CHRM2: variants seen among roughly 807,000 people sequenced by gnomAD.
CHRM2 encodes the protein cholinergic receptor muscarinic 2.
In CHRM2, 8 loss-of-function variants were observed where a neutral mutation model predicts 25.0. That is an observed-to-expected ratio of 0.32 (90% CI 0.19 to 0.58). The LOEUF (loss-of-function observed/expected upper bound fraction) is 0.58. Ranked by LOEUF, CHRM2 falls within the 20% of genes least tolerant of loss-of-function variation. The probability of loss-of-function intolerance (pLI) is 0.88; values close to 1 mark genes in which losing one functional copy is unlikely to be tolerated. For synonymous variants in CHRM2, 202 were observed against 205.7 expected, an observed-to-expected ratio of 0.98 and a Z score of 0.15; for missense variants, 440 against 567.1, an observed-to-expected ratio of 0.78 and a Z score of 2.28.
chr7:137,003,943 C>T (rs1804244202), intron 3 of CHRM2, among the ~76,000 whole-genome samples: 1 of 152,108 alleles, frequency 6.6e-6, no homozygotes, highest in Non-Finnish European at 1.5e-5. Context: ...TCCCCTGCCG[C>T]CTTTGCTTCC....
In CHRM2 at chr7:136,950,707, G is replaced by A. The variant is rs945791450; in HGVS notation, c.-124-41480G>A. On this transcript the variant is annotated intron_variant, in intron 2 of 3. Coordinates refer to ENST00000680005, the MANE Select transcript of CHRM2 (RefSeq NM_001006630.2). ...AGATGAAGAAGTTGCAAAAAGTAGC[G>A]TAGCAAATTGGTAGAAGATTCTGAA... Among the ~76,000 whole-genome samples the A allele has an allele frequency of 3.2e-4, 48 of 152,280 alleles. 1 individual carries two copies. Among genetic ancestry groups the A allele is most frequent in the South Asian group, 6.2e-4 (3 of 4,820 alleles).
At chr7:136,889,359 T>C (rs1796604340) in intron 2 of CHRM2, among the ~76,000 whole-genome samples, 1 of 152,186 alleles carries the variant, frequency 6.6e-6, no homozygotes, top group South Asian at 2.1e-4. Flanking sequence ...AATCCCTTTA[T>C]ACTGGTTAAC....
At position 137,017,232 on chromosome 7, in the gene CHRM2, A is replaced by G. The variant is rs891834369; in HGVS notation, c.*966A>G. The G allele has an allele frequency of 6.6e-6, 1 of 151,982 alleles. No homozygotes were observed. The highest frequency in any genetic ancestry group is 1.5e-5 in the Non-Finnish European group (1 of 67,934). The allele number at this position is 151,982 out of a possible 1,614,324, so 9.4% of individuals were successfully genotyped here. ...GTTTCATCAAATTAAATAATGGACT[A>G]TCTAGTTGGACCAAGTTTATTAAAG... On this transcript the variant is annotated 3_prime_UTR_variant, in exon 4 of 4. Coordinates refer to ENST00000680005, the MANE Select transcript of CHRM2 (RefSeq NM_001006630.2).
At chr7:136,881,718 C>G (rs905841105) in intron 2 of CHRM2, among the ~76,000 whole-genome samples, 1 of 151,840 alleles carries the variant, frequency 6.6e-6, no homozygotes, top group East Asian at 1.9e-4. Flanking sequence ...TTTTTAAATT[C>G]AGACAACAAA....
chr7:136,995,746 A>C (rs992384485), intron 3 of CHRM2, among the ~76,000 whole-genome samples: 1 of 152,140 alleles, frequency 6.6e-6, no homozygotes, highest in Non-Finnish European at 1.5e-5. Context: ...AGCCTTTGCA[A>C]CAGAGCAAGA....
Position 137,017,701 on chromosome 7 carries a change from C to G in CHRM2, c.*1435C>G, listed in dbSNP as rs759698119. 1 of 151,880 alleles carries G rather than the reference C, an allele frequency of 6.6e-6. No homozygotes were observed. The highest frequency in any genetic ancestry group is 1.5e-5 in the Non-Finnish European group (1 of 67,902). The allele number at this position is 151,880 out of a possible 1,614,324, so 9.4% of individuals were successfully genotyped here. A position where few individuals can be genotyped will look rare whatever the true frequency, so the allele number is the denominator to read the frequency against. ...AATCTTTGTGACAGAAATGTAGTGG[C>G]TAACTAAATAGAGGCCAAACGAGCT... is the stretch of plus-strand genomic sequence containing the variant. On this transcript the variant is annotated 3_prime_UTR_variant, in exon 4 of 4. Coordinates refer to ENST00000680005, the MANE Select transcript of CHRM2 (RefSeq NM_001006630.2).
chr7:136,926,939 T>A (rs1409949799), intron 2 of CHRM2, among the ~76,000 whole-genome samples: 1 of 152,206 alleles, frequency 6.6e-6, no homozygotes. Flanking sequence ...CTTGTTGCAG[T>A]CTCTACCATC....
intron 3 of CHRM2, among the ~76,000 whole-genome samples, chr7:137,013,347 A>AT (rs1804951311): frequency 6.6e-6 from 1 of 151,924 alleles, no homozygotes; most frequent in Non-Finnish European, 1.5e-5. Flanking sequence ...AGAAAAAATT[A>AT]TTTTTTTAAA....
intron 2 of CHRM2, among the ~76,000 whole-genome samples, chr7:136,912,956 C>A (rs1797922722): frequency 6.6e-6 from 1 of 151,808 alleles, no homozygotes; most frequent in Admixed American, 6.6e-5. Flanking sequence ...TGGCACATAA[C>A]CCTCAGTAAG....
Position 136,882,448 on chromosome 7 carries a change from C to G in CHRM2, c.-125+13030C>G, listed in dbSNP as rs79051181. 4.1e-3 allele frequency among the ~76,000 whole-genome samples: 619 copies of G among 151,330 alleles called. 7 individuals carry two copies. Among genetic ancestry groups the G allele is most frequent in the African/African-American group, 0.014 (590 of 41,270 alleles). ...TCTTCCTTTCTCCTCCTCCTTCCCC[C>G]TCCTTCTTCTCAGCATTTAATTTGA... is the stretch of plus-strand genomic sequence containing the variant. On this transcript the variant is annotated intron_variant, in intron 2 of 3. Transcript: ENST00000680005.
At chr7:136,871,326 G>A (rs542222941) in intron 2 of CHRM2, 1 of 152,444 alleles carries the variant, frequency 6.6e-6, no homozygotes, top group East Asian at 1.9e-4. Context: ...GGCCGCCCGC[G>A]TCTCGCCCCG....
At chr7:136,974,010 T>C (rs746883049) in intron 2 of CHRM2, among the ~76,000 whole-genome samples, 10 of 152,174 alleles carry the variant, frequency 6.6e-5, no homozygotes, top group Non-Finnish European at 1.0e-4. Context: ...CATTTTGTAA[T>C]ATTGTCACTT....
intron 2 of CHRM2, among the ~76,000 whole-genome samples, chr7:136,983,619 C>T (rs749285340): frequency 6.6e-6 from 1 of 152,124 alleles, no homozygotes. Context: ...GGAGGTTTTA[C>T]GTGGACGTAC....
intron 2 of CHRM2, among the ~76,000 whole-genome samples, chr7:136,984,867 G>A (rs1320801707): frequency 1.3e-5 from 2 of 152,078 alleles, no homozygotes; most frequent in Non-Finnish European, 2.9e-5. Context: ...GCTGGGAGCT[G>A]CAGACCAGAG....
intron 2 of CHRM2, among the ~76,000 whole-genome samples, chr7:136,887,924 T>C (rs762999126): frequency 6.6e-6 from 1 of 152,162 alleles, no homozygotes; most frequent in Non-Finnish European, 1.5e-5. Context: ...GATGGCTACC[T>C]TTGATTACCG....
In CHRM2 at chr7:136,921,766, T is replaced by TTTTC. The variant is rs565701193; in HGVS notation, c.-125+52376_-125+52379dup. Among the ~76,000 whole-genome samples the TTTTC allele has an allele frequency of 1.7e-3, 250 of 147,630 alleles. 9 individuals are homozygous for TTTTC. Among genetic ancestry groups the TTTTC allele is most frequent in the East Asian group, 5.3e-3 (27 of 5,118 alleles). ...CTGTAGAAATATACCATTCATGCAA[T>TTTTC]TTTCTTTCTTTCTTTCTTTCTTTCT... On this transcript the variant is annotated intron_variant, in intron 2 of 3. Coordinates refer to ENST00000680005, the MANE Select transcript of CHRM2 (RefSeq NM_001006630.2).
At chr7:137,009,826 T>C (rs769918357) in intron 3 of CHRM2, among the ~76,000 whole-genome samples, 3 of 152,080 alleles carry the variant, frequency 2.0e-5, no homozygotes, top group Non-Finnish European at 4.4e-5. Flanking sequence ...AGTAGTAGTA[T>C]TGATAATTTA....
At chr7:136,870,912 CTTTTTT>C (rs1795804651) in intron 2 of CHRM2, 1 of 152,404 alleles carries the variant, frequency 6.6e-6, no homozygotes, top group African/African-American at 2.4e-5. Flanking sequence ...GTCTTCTTTT[CTTTTTT>C]GTTTGTTTTG....
intron 2 of CHRM2, among the ~76,000 whole-genome samples, chr7:136,887,053 A>G (rs928254650): frequency 2.6e-5 from 4 of 152,178 alleles, no homozygotes; most frequent in Non-Finnish European, 5.9e-5. Flanking sequence ...TCTAATGTAC[A>G]GCATGAGGAC....
Sources: allele counts gnomAD v4.1 joint callset (sites outside exome capture counted in the v4.1 genomes callset), GRCh38; gene constraint gnomAD v4.1.1; transcripts MANE v1.5; gene names NCBI Gene and HGNC (gene_info 2026-07-23, HGNC 2026-07-21).